The following NCF1 variants were observed in gnomAD, a reference collection of about 807,000 sequenced individuals.
NCF1 encodes neutrophil cytosol factor 1.
Under a neutral mutation model 34.9 loss-of-function variants are expected in NCF1, and 8 were observed. The observed-to-expected ratio is 0.23, with a 90% CI of 0.13 to 0.41. The LOEUF (loss-of-function observed/expected upper bound fraction) is 0.41, where lower values mean the gene tolerates loss of function less well. NCF1 is among the 10% of genes least tolerant of loss of function. The probability of loss-of-function intolerance (pLI) is 1.00; values close to 1 mark genes in which losing one functional copy is unlikely to be tolerated. For synonymous variants in NCF1, 57 were observed against 146.3 expected, an observed-to-expected ratio of 0.39 and a Z score of 4.41; for missense variants, 122 against 362.4, an observed-to-expected ratio of 0.34 and a Z score of 5.39.
intron 7 of NCF1, among the ~76,000 whole-genome samples, chr7:74,783,836 G>A (rs1310626508): frequency 5.9e-5 from 9 of 152,154 alleles, no homozygotes; most frequent in African/African-American, 1.7e-4. Context: ...AGGAGCAGAC[G>A]ACTGGGGAGA....
chr7:74,783,865 CTG>C (rs1554414196), intron 7 of NCF1, among the ~76,000 whole-genome samples: 1 of 151,888 alleles, frequency 6.6e-6, no homozygotes, highest in Non-Finnish European at 1.5e-5. Flanking sequence ...CCAGTGGTGT[CTG>C]TGGATATGTG....
At chr7:74,775,670 G>A (rs1407393413) in intron 1 of NCF1, among the ~76,000 whole-genome samples, 38 of 57,398 alleles carry the variant, frequency 6.6e-4, no homozygotes, top group Non-Finnish European at 1.2e-3. Flanking sequence ...TTCAGGTCTA[G>A]GATCCAGTCA....
intron 5 of NCF1, among the ~76,000 whole-genome samples, chr7:74,781,950 A>C (rs1796576227): frequency 6.6e-6 from 1 of 151,696 alleles, no homozygotes; most frequent in Non-Finnish European, 1.5e-5. Context: ...TAATACACCC[A>C]CACTGTAAGG....
intron 8 of NCF1, among the ~76,000 whole-genome samples, 197 bp from the exon 9 acceptor site, chr7:74,787,787 T>G (rs1796701603): frequency 8.6e-6 from 1 of 115,710 alleles, no homozygotes; most frequent in Admixed American, 9.4e-5. Flanking sequence ...CCTCCACCCC[T>G]GCCTAGACTG....
intron 2 of NCF1, 141 bp downstream of exon 2, chr7:74,777,488 T>C: frequency 1.1e-5 from 9 of 844,128 alleles, no homozygotes; most frequent in Non-Finnish European, 1.7e-5. Context: ...TATTTATTTA[T>C]ATAAATTTTT....
chr7:74,782,040 C>T (rs1453084863), intron 5 of NCF1, among the ~76,000 whole-genome samples: 10 of 140,336 alleles, frequency 7.1e-5, no homozygotes, highest in East Asian at 2.2e-4. Flanking sequence ...AGCACCTCCA[C>T]GGTTGGATGA....
rs1554414152 is a variant in NCF1 at position 74,783,643 on chromosome 7, C to A, written c.682+11C>A. On this transcript the variant is annotated intron_variant, in intron 7 of 10. Coordinates refer to ENST00000289473, the MANE Select transcript of NCF1 (RefSeq NM_000265.7). ...AGCCCAACTATGCAGGTGCCCCCTGCCCTCCGAGGCTGTAGGGGTGTGGGA... is the reference window on the plus strand; with the variant it reads ...AGCCCAACTATGCAGGTGCCCCCTGACCTCCGAGGCTGTAGGGGTGTGGGA... The A allele has an allele frequency of 1.9e-6, 3 of 1,609,380 alleles. No homozygotes were observed. The highest frequency in any genetic ancestry group is 2.5e-6 in the Non-Finnish European group (3 of 1,178,564).
chr7:74,777,520 A>G (rs1796495639), intron 2 of NCF1, 173 bp downstream of exon 2: 2 of 761,280 alleles, frequency 2.6e-6, no homozygotes, highest in African/African-American at 3.5e-5. Context: ...TTGCTCTGTC[A>G]CCACTCTGAA....
At chr7:74,775,883 G>A (rs144372615) in intron 1 of NCF1, among the ~76,000 whole-genome samples, 6,728 of 150,142 alleles carry the variant, frequency 0.045, 2 homozygotes, top group South Asian at 0.088. Context: ...ACAGGTGCGC[G>A]CCACCATGCC....
intron 8 of NCF1, among the ~76,000 whole-genome samples, chr7:74,785,776 G>T (rs1796660575): frequency 6.6e-6 from 1 of 151,212 alleles, no homozygotes; most frequent in Non-Finnish European, 1.5e-5. Context: ...CCAGCTACTC[G>T]GGAGTCTGAG....
At chr7:74,786,576 G>A (rs587722819) in intron 8 of NCF1, among the ~76,000 whole-genome samples, 81 of 152,162 alleles carry the variant, frequency 5.3e-4, no homozygotes, top group African/African-American at 1.9e-3. Context: ...TTTTTGTAGG[G>A]ATGGGGTCTC....
chr7:74,787,379 G>A (rs1337190308), intron 8 of NCF1, among the ~76,000 whole-genome samples: 1 of 152,120 alleles, frequency 6.6e-6, no homozygotes, highest in Non-Finnish European at 1.5e-5. Context: ...AGCAGAGGTT[G>A]CAATGAGTCG....
At chr7:74,781,764 C>A (rs1418585322) in intron 5 of NCF1, 2 of 135,306 alleles carry the variant, frequency 1.5e-5, no homozygotes, top group Non-Finnish European at 3.2e-5. Context: ...AGCTCTTGGC[C>A]TCAAGCAACC....
intron 8 of NCF1, among the ~76,000 whole-genome samples, chr7:74,787,186 T>G (rs1554414654): frequency 6.6e-6 from 1 of 151,808 alleles, no homozygotes; most frequent in African/African-American, 2.4e-5. Context: ...GCCTGTAATC[T>G]CAGCACTTTG....
intron 5 of NCF1, 39 bp from the exon 6 acceptor site, chr7:74,782,900 C>T: frequency 1.3e-6 from 2 of 1,578,896 alleles, no homozygotes; most frequent in East Asian, 2.3e-5. Flanking sequence ...CAGATGGGCC[C>T]TGCAATGCCC....
chr7:74,782,148 T>C (rs1379976353), intron 5 of NCF1, among the ~76,000 whole-genome samples: 3 of 100,124 alleles, frequency 3.0e-5, no homozygotes, highest in African/African-American at 1.2e-4. Context: ...CACCTTAAAG[T>C]TAGGAAAAGG....
chr7:74,781,263 A>G (rs1189185239), intron 5 of NCF1, among the ~76,000 whole-genome samples: 17 of 69,964 alleles, frequency 2.4e-4, no homozygotes, highest in South Asian at 1.1e-3. Context: ...AAAAAAAAAA[A>G]AAGAAGAATT....
At chr7:74,787,743 A>G (rs1356004272) in intron 8 of NCF1, among the ~76,000 whole-genome samples, 3 of 127,838 alleles carry the variant, frequency 2.3e-5, no homozygotes, top group African/African-American at 9.1e-5. Flanking sequence ...CTTATAGCAA[A>G]TACCTGTCCC....
chr7:74,778,540 T>G (rs1796517739), intron 2 of NCF1: 2 of 309,030 alleles, frequency 6.5e-6, no homozygotes, highest in African/African-American at 2.4e-5. Context: ...GCCAGGAGGG[T>G]GGGGTTGGTG....
Sources: gnomAD v4.1 joint callset for allele counts (sites outside exome capture counted in the v4.1 genomes callset) on GRCh38, gnomAD v4.1.1 for gene constraint, MANE v1.5 for transcripts, NCBI Gene and HGNC (gene_info 2026-07-23, HGNC 2026-07-21) for gene names.